The following DIP2C variants were observed in gnomAD, a reference collection of about 807,000 sequenced individuals.
The protein encoded by DIP2C is DIP2 acetate--CoA ligase C (putative), also known as disco-interacting protein 2 homolog C.
A neutral mutation model predicts 192.4 loss-of-function variants in DIP2C; 33 were observed. The ratio of observed to expected loss-of-function variants is 0.17; its 90% CI spans 0.13 to 0.23. DIP2C has a LOEUF of 0.23. Among genes scored for constraint, DIP2C ranks in the 10% least tolerant of loss-of-function variants. DIP2C has a pLI of 1.00. For missense variants in DIP2C, 1,537 were observed against 2,110.1 expected (o/e 0.73, Z 5.32); for synonymous variants, 979 against 864.1 (o/e 1.13, Z -2.33).
chr10:543,477 A>T (rs1271394234), intron 1 of DIP2C, among the ~76,000 whole-genome samples: 2 of 152,250 alleles, frequency 1.3e-5, no homozygotes, highest in Non-Finnish European at 2.9e-5. Flanking sequence ...CCATCTGGGT[A>T]AGAGGAAAGT....
chr10:639,868 G>A (rs1855067703), intron 1 of DIP2C, among the ~76,000 whole-genome samples: 1 of 152,212 alleles, frequency 6.6e-6, no homozygotes, highest in Non-Finnish European at 1.5e-5. Context: ...ATTATCCATT[G>A]ATGCTGCTTA....
At chr10:603,862 C>A (rs1852271966) in intron 1 of DIP2C, among the ~76,000 whole-genome samples, 1 of 152,162 alleles carries the variant, frequency 6.6e-6, no homozygotes, top group Non-Finnish European at 1.5e-5. Context: ...AAATCAGAGG[C>A]CACCATGCAG....
At chr10:592,944 G>C (rs965799820) in intron 1 of DIP2C, among the ~76,000 whole-genome samples, 30 of 152,246 alleles carry the variant, frequency 2.0e-4, no homozygotes, top group African/African-American at 6.5e-4. Context: ...TTAAACACGA[G>C]GTCACTGTTA....
chr10:498,970 C>T (rs1845044062), intron 1 of DIP2C, among the ~76,000 whole-genome samples: 1 of 152,256 alleles, frequency 6.6e-6, no homozygotes, highest in Non-Finnish European at 1.5e-5. Context: ...CTGCACCGCA[C>T]AGCACTGCTG....
At chr10:336,895 GGTGTGTGTGTGT>G (rs112539860) in intron 29 of DIP2C, among the ~76,000 whole-genome samples, 4 of 91,724 alleles carry the variant, frequency 4.4e-5, no homozygotes, top group African/African-American at 1.0e-4. Context: ...GGCCTAGGCA[GGTGTGTGTGTGT>G]GTGTGTGTGT....
intron 1 of DIP2C, among the ~76,000 whole-genome samples, chr10:593,740 C>T (rs1037815145): frequency 2.0e-4 from 30 of 152,190 alleles, no homozygotes; most frequent in Admixed American, 1.7e-3. Flanking sequence ...AACCGACATG[C>T]ACTGACCTCC....
chr10:518,273 C>T (rs943237942), intron 1 of DIP2C, among the ~76,000 whole-genome samples: 1 of 152,234 alleles, frequency 6.6e-6, no homozygotes, highest in Admixed American at 6.5e-5. Flanking sequence ...CTGACTCCTT[C>T]GTGAAAAGCG....
intron 22 of DIP2C, among the ~76,000 whole-genome samples, chr10:360,417 T>C (rs74845662): frequency 0.034 from 5,127 of 152,298 alleles, 227 homozygotes; most frequent in African/African-American, 0.11. Context: ...CATGTCTCTT[T>C]TCTCTTCCCG....
In DIP2C at chr10:274,554, CAAG is replaced by C. The variant is rs1447530168; in HGVS notation, c.*2768_*2770del. ...CAAAGCGTACTGGTGGTTTAACATACAAGAAGGTTGCTGTCCTTTGCACATAAA... is the reference window on the plus strand; with the variant it reads ...CAAAGCGTACTGGTGGTTTAACATACAAGGTTGCTGTCCTTTGCACATAAA... On this transcript the variant is annotated 3_prime_UTR_variant, in exon 37 of 37. Transcript: ENST00000280886. 6.6e-6 allele frequency: 1 copy of C among 152,214 alleles called. No individual in the cohort carries two copies. Among genetic ancestry groups the C allele is most frequent in the Non-Finnish European group, 1.5e-5 (1 of 68,038 alleles). 9.4% of individuals were successfully genotyped at this position (152,214 alleles called of 1,614,324 possible).
intron 1 of DIP2C, among the ~76,000 whole-genome samples, chr10:649,174 C>CT (rs1178644655): frequency 6.7e-6 from 1 of 150,074 alleles, no homozygotes; most frequent in Non-Finnish European, 1.5e-5. Context: ...CAGAGGGAAA[C>CT]TGAGTCCACG....
chr10:455,487 T>C (rs1969226785), intron 3 of DIP2C, among the ~76,000 whole-genome samples: 1 of 97,524 alleles, frequency 1.0e-5, no homozygotes, highest in African/African-American at 3.4e-5. Context: ...AGTCCCTGCC[T>C]GAGGGGAGAC....
At chr10:383,156 C>G (rs1564641755) in intron 16 of DIP2C, among the ~76,000 whole-genome samples, 1 of 152,190 alleles carries the variant, frequency 6.6e-6, no homozygotes, top group Non-Finnish European at 1.5e-5. Context: ...GCTAAACTAT[C>G]TCCAAATATA....
chr10:364,957 G>A (rs767641506), intron 19 of DIP2C: 21 of 534,164 alleles, frequency 3.9e-5, no homozygotes, highest in South Asian at 2.2e-4. Context: ...TTTAAACAAC[G>A]TCTGTTAGTT....
At chr10:494,073 G>A (rs147565942) in intron 1 of DIP2C, among the ~76,000 whole-genome samples, 3 of 152,350 alleles carry the variant, frequency 2.0e-5, no homozygotes, top group Non-Finnish European at 2.9e-5. Context: ...CCACCCCGAG[G>A]TGAGTGGCAG....
intron 1 of DIP2C, among the ~76,000 whole-genome samples, chr10:615,853 G>A (rs1312351158): frequency 6.6e-6 from 1 of 152,134 alleles, no homozygotes; most frequent in Non-Finnish European, 1.5e-5. Context: ...AGGGCTTTAG[G>A]AAACGACACG....
chr10:397,718 C>T (rs557419294), intron 10 of DIP2C, among the ~76,000 whole-genome samples: 2 of 152,320 alleles, frequency 1.3e-5, no homozygotes, highest in South Asian at 4.1e-4. Context: ...CTTACAGTTA[C>T]CGTAACTGCT....
intron 29 of DIP2C, among the ~76,000 whole-genome samples, chr10:339,769 C>T (rs550853686): frequency 1.4e-4 from 21 of 152,342 alleles, no homozygotes; most frequent in African/African-American, 5.1e-4. Flanking sequence ...TCAGTTTTAT[C>T]TGCTTTCTCA....
At chr10:359,313 A>G (rs750426419) in intron 22 of DIP2C, among the ~76,000 whole-genome samples, 4 of 152,216 alleles carry the variant, frequency 2.6e-5, no homozygotes, top group Non-Finnish European at 5.9e-5. Context: ...GCAGGCTGCC[A>G]GAAACGATTC....
chr10:404,316 C>A (rs1458372587), intron 9 of DIP2C, among the ~76,000 whole-genome samples: 1 of 151,580 alleles, frequency 6.6e-6, no homozygotes, highest in Admixed American at 6.6e-5. Context: ...TCAAGCGATT[C>A]TCTTGCCTCA....
Sources: gnomAD v4.1 joint callset for allele counts (sites outside exome capture counted in the v4.1 genomes callset) on GRCh38, gnomAD v4.1.1 for gene constraint, MANE v1.5 for transcripts, NCBI Gene and HGNC (gene_info 2026-07-23, HGNC 2026-07-21) for gene names.